SCAMP2: variants seen among roughly 807,000 people sequenced by gnomAD.
The protein encoded by SCAMP2 is secretory carrier membrane protein 2.
A neutral mutation model predicts 44.1 loss-of-function variants in SCAMP2; 25 were observed. The observed-to-expected ratio is 0.57, with a 90% CI of 0.41 to 0.79. SCAMP2 has a LOEUF of 0.79. SCAMP2 is among the 30% of genes least tolerant of loss of function. The pLI, the probability that SCAMP2 is intolerant of heterozygous loss-of-function variation, is 0.00. For missense variants in SCAMP2, 355 were observed against 411.0 expected (o/e 0.86, Z 1.18); for synonymous variants, 156 against 166.0 (o/e 0.94, Z 0.46).
intron 1 of SCAMP2, 126 bp downstream of exon 1, chr15:74,873,073 C>T: frequency 1.2e-6 from 1 of 821,894 alleles, no homozygotes; most frequent in Non-Finnish European, 1.8e-6. Context: ...CCTCAAAGCC[C>T]GCTCTCCCAT....
At chr15:74,855,425 A>G (rs866305153) in intron 1 of SCAMP2, among the ~76,000 whole-genome samples, 74 of 152,092 alleles carry the variant, frequency 4.9e-4, no homozygotes, top group African/African-American at 1.3e-3. Flanking sequence ...TGTAAAAGAC[A>G]GTCTAAGGTA....
chr15:74,872,519 T>C (rs1260635724), intron 1 of SCAMP2, among the ~76,000 whole-genome samples: 1 of 152,116 alleles, frequency 6.6e-6, no homozygotes, highest in African/African-American at 2.4e-5. Flanking sequence ...TCCAGAATTT[T>C]TCACAGTCCC....
intron 1 of SCAMP2, among the ~76,000 whole-genome samples, chr15:74,870,332 A>C (rs901818505): frequency 6.6e-5 from 10 of 152,236 alleles, no homozygotes; most frequent in Non-Finnish European, 2.9e-5. Context: ...GCCCTCTGCT[A>C]ACACTGGAGC....
intron 3 of SCAMP2, chr15:74,853,466 G>C (rs1322703612): frequency 4.4e-6 from 2 of 456,482 alleles, no homozygotes; most frequent in East Asian, 1.4e-4. Context: ...AATTGGGCAG[G>C]CGGGAACTTG....
At chr15:74,867,921 A>C (rs1426883220) in intron 1 of SCAMP2, among the ~76,000 whole-genome samples, 1 of 152,220 alleles carries the variant, frequency 6.6e-6, no homozygotes, top group East Asian at 1.9e-4. Flanking sequence ...CTGAGTGGGA[A>C]AGCAGCCCTA....
intron 1 of SCAMP2, among the ~76,000 whole-genome samples, chr15:74,864,292 A>C (rs554007988): frequency 1.3e-5 from 2 of 152,222 alleles, no homozygotes; most frequent in African/African-American, 4.8e-5. Flanking sequence ...TGATCTCCTG[A>C]CCTTGTGATC....
intron 4 of SCAMP2, 138 bp downstream of exon 4, chr15:74,851,931 A>G (rs955030453): frequency 7.1e-6 from 4 of 566,018 alleles, no homozygotes; most frequent in Non-Finnish European, 1.2e-5. Flanking sequence ...TCTTCCCAGG[A>G]CCAGCATCCT....
chr15:74,859,496 G>GC (rs2064488821), intron 1 of SCAMP2, among the ~76,000 whole-genome samples: 2 of 152,196 alleles, frequency 1.3e-5, no homozygotes, highest in Non-Finnish European at 2.9e-5. Context: ...GATCAGTAAG[G>GC]CCCCCCACCA....
At chr15:74,853,732 A>AG in intron 3 of SCAMP2, 1 of 503,002 alleles carries the variant, frequency 2.0e-6, no homozygotes, top group Non-Finnish European at 3.6e-6. Flanking sequence ...GAGGACCTGG[A>AG]GGGGTACAAC....
chr15:74,856,745 C>T (rs993019180), intron 1 of SCAMP2, among the ~76,000 whole-genome samples: 2 of 152,012 alleles, frequency 1.3e-5, no homozygotes, highest in African/African-American at 2.4e-5. Flanking sequence ...ACACATGAGC[C>T]ACCAGGCCTG....
At position 74,845,030 on chromosome 15, in the gene SCAMP2, G is replaced by A; in HGVS notation, c.*53C>T. 2 of 1,582,888 alleles carry A rather than the reference G, an allele frequency of 1.3e-6. No homozygotes were observed. The highest frequency in any genetic ancestry group is 1.1e-5 in the South Asian group (1 of 87,398). ...ACCACATAAGGCACCCACGGAAAGTGCAGCTCAGAAGGCAGGCGAGAGAAA... is the reference window on the plus strand; with the variant it reads ...ACCACATAAGGCACCCACGGAAAGTACAGCTCAGAAGGCAGGCGAGAGAAA... On this transcript the variant is annotated 3_prime_UTR_variant, in exon 9 of 9. Coordinates refer to ENST00000268099, the MANE Select transcript of SCAMP2 (RefSeq NM_005697.5).
chr15:74,847,084 TAA>T (rs1370050132), intron 7 of SCAMP2, among the ~76,000 whole-genome samples: 1 of 107,304 alleles, frequency 9.3e-6, no homozygotes, highest in Non-Finnish European at 2.1e-5. Flanking sequence ...TATTGTCAGT[TAA>T]TTTTTTTTTT....
chr15:74,845,337 G>C, intron 8 of SCAMP2, 120 bp from the exon 9 acceptor site: 2 of 1,580,872 alleles, frequency 1.3e-6, no homozygotes, highest in Non-Finnish European at 8.6e-7. Flanking sequence ...CCCCCACCCA[G>C]ATCCCTGGAG....
chr15:74,867,532 T>C (rs2064551453), intron 1 of SCAMP2, among the ~76,000 whole-genome samples: 1 of 152,224 alleles, frequency 6.6e-6, no homozygotes, highest in Non-Finnish European at 1.5e-5. Context: ...CTTGAGACAA[T>C]GCTCTGTTAC....
In SCAMP2 at chr15:74,848,697, C is replaced by A; in HGVS notation, c.637G>T (p.Asp213Tyr). ...YRPIYKAFRS[D>Y]NSFSFFVFFF... ...AACACAAAGAAGCTGAAAGAGTTGT[C>A]GGACCTGTGGAGAGAGAGGGAAATA... The change falls in exon 7 of 9, where the codon GAC becomes TAC. Residue 213 changes from aspartate to tyrosine, a missense_variant. By Grantham distance (160) the Asp-to-Tyr change is radical (BLOSUM62 -3). Transcript: ENST00000268099. The A allele has an allele frequency of 6.2e-7, 1 of 1,610,916 alleles. No homozygotes were observed. Among genetic ancestry groups the A allele is most frequent in the South Asian group, 1.1e-5 (1 of 90,932 alleles).
intron 6 of SCAMP2, among the ~76,000 whole-genome samples, chr15:74,849,156 A>C (rs2064418421): frequency 6.6e-6 from 1 of 152,226 alleles, no homozygotes; most frequent in Admixed American, 6.5e-5. Flanking sequence ...CTTAATAATA[A>C]GTAAATCTCT....
At position 74,845,097 on chromosome 15, in the gene SCAMP2, A is replaced by G; in HGVS notation, c.976T>C (p.Phe326Leu). Residue 326 changes from phenylalanine (F) to leucine (L), a missense_variant, in exon 9 of 9, where the codon TTC (phenylalanine) becomes CTC (leucine). Transcript: ENST00000268099. ...AGAGAGGAGGACTAATTCCCCTGGA[A>G]GGCTCCTTGGGCAGCAGATGAAGCA... is the stretch of plus-strand genomic sequence containing the variant. ...RAASSAAQGAFQGN is the reference protein window; with the variant it reads ...RAASSAAQGALQGN The G allele has an allele frequency of 3.1e-6, 5 of 1,613,768 alleles. No individual in the cohort carries two copies. Among genetic ancestry groups the G allele is most frequent in the Non-Finnish European group, 3.4e-6 (4 of 1,179,760 alleles).
chr15:74,864,954 G>T (rs543532653), intron 1 of SCAMP2, among the ~76,000 whole-genome samples: 1 of 150,406 alleles, frequency 6.6e-6, no homozygotes, highest in African/African-American at 2.5e-5. Flanking sequence ...GGGCGTGGTG[G>T]CACATTCCTG....
At chr15:74,849,837 TG>T (rs2141171758) in intron 6 of SCAMP2, among the ~76,000 whole-genome samples, 1 of 96,680 alleles carries the variant, frequency 1.0e-5, no homozygotes, top group Admixed American at 1.0e-4. Context: ...AAAAAATATT[TG>T]GGAAACAGGG....
Sources: allele counts gnomAD v4.1 joint callset (sites outside exome capture counted in the v4.1 genomes callset), GRCh38; gene constraint gnomAD v4.1.1; transcripts MANE v1.5; gene names NCBI Gene and HGNC (gene_info 2026-07-23, HGNC 2026-07-21).